The following PCDHGB5 variants were observed in gnomAD, a reference collection of about 807,000 sequenced individuals.
PCDHGB5 encodes protocadherin gamma subfamily B, 5.
PCDHGB5 carries 48 observed loss-of-function variants against 62.9 expected under a neutral mutation model. The observed-to-expected ratio is 0.76, with a 90% confidence interval of 0.61 to 0.97. The LOEUF is 0.97. Among genes scored for constraint, PCDHGB5 ranks in the 50% least tolerant of loss-of-function variants. PCDHGB5 has a pLI of 0.00. For synonymous variants in PCDHGB5, 474 were observed against 511.2 expected (o/e 0.93, Z 0.98); for missense variants, 1,118 against 1,198.6 (o/e 0.93, Z 0.99).
intron 1 of PCDHGB5, chr5:141,441,743 C>G (rs1298220876): frequency 2.7e-6 from 1 of 367,284 alleles, no homozygotes; most frequent in Non-Finnish European, 5.4e-6. Flanking sequence ...AGCTCGCGCT[C>G]GGCGTCAACG....
rs779292483 is a variant in PCDHGB5 at position 141,491,102 on chromosome 5, T to C, written c.2398-3705T>C. The C allele has an allele frequency of 6.2e-7, 1 of 1,614,152 alleles. No individual in the cohort carries two copies. Among genetic ancestry groups the C allele is most frequent in the Non-Finnish European group, 8.5e-7 (1 of 1,180,006 alleles). ...TCCACAGCCCCAGGACTGTTCCTCG[T>C]GTCTACACACACTGGTGAGGTGCGC... On this transcript the variant is annotated intron_variant, in intron 1 of 3. Transcript: ENST00000617380. This position sits in a 1 kb window ranked among gnomAD's most constrained non-coding sequence, Gnocchi z 6.9.
At position 141,477,483 on chromosome 5, in the gene PCDHGB5, A is replaced by T; in HGVS notation, c.2398-17324A>T. ...TCCGACATCAATGACAACCCTCCAC[A>T]ATCTTCTCAATCTTCCTACGACGTT... On this transcript the variant is annotated intron_variant, in intron 1 of 3. Coordinates refer to ENST00000617380, the MANE Select transcript of PCDHGB5 (RefSeq NM_018925.3). The surrounding 1 kb of genome is among the most constrained non-coding windows in gnomAD (Gnocchi z 4.9). 1 of 1,614,028 alleles carries T rather than the reference A, an allele frequency of 6.2e-7. No homozygotes were observed.
chr5:141,469,505 G>T (rs2099202987), intron 1 of PCDHGB5, among the ~76,000 whole-genome samples: 1 of 152,138 alleles, frequency 6.6e-6, no homozygotes. Flanking sequence ...AACCCGGGAG[G>T]TGGAGGTTGC....
At chr5:141,422,645 TCTCAGTGAC>T in intron 1 of PCDHGB5, 2 of 1,612,232 alleles carry the variant, frequency 1.2e-6, no homozygotes, top group Non-Finnish European at 1.7e-6. Flanking sequence ...GCCTCCATCT[TCTCAGTGAC>T]CGCCCTCGAC....
chr5:141,453,423 C>T (rs931962019), intron 1 of PCDHGB5, among the ~76,000 whole-genome samples: 2 of 152,120 alleles, frequency 1.3e-5, no homozygotes, highest in African/African-American at 4.8e-5. Context: ...TAAGCCACCA[C>T]ACCTAGCCTA....
intron 1 of PCDHGB5, among the ~76,000 whole-genome samples, chr5:141,451,830 G>A (rs940668278): frequency 6.6e-5 from 10 of 151,238 alleles, no homozygotes; most frequent in East Asian, 1.9e-4. Flanking sequence ...ACAGTGAGCC[G>A]AGATCACACC....
chr5:141,508,062 C>T (rs910730855), intron 3 of PCDHGB5: 2 of 152,316 alleles, frequency 1.3e-5, no homozygotes, highest in African/African-American at 4.8e-5. Flanking sequence ...TAATCAGCCT[C>T]CTTGGGCTAC....
At chr5:141,470,648 C>T (rs1188305813) in intron 1 of PCDHGB5, among the ~76,000 whole-genome samples, 1 of 152,066 alleles carries the variant, frequency 6.6e-6, no homozygotes, top group Non-Finnish European at 1.5e-5. Context: ...TTTGAAGGCC[C>T]CTACCCTTTG....
chr5:141,436,842 T>G (rs986680968), intron 1 of PCDHGB5, among the ~76,000 whole-genome samples: 3 of 152,376 alleles, frequency 2.0e-5, no homozygotes, highest in African/African-American at 7.2e-5. Flanking sequence ...CCTAGGCACA[T>G]TCTTGATTGA....
chr5:141,425,881 A>C (rs911454948), intron 1 of PCDHGB5, among the ~76,000 whole-genome samples: 1 of 152,230 alleles, frequency 6.6e-6, no homozygotes, highest in African/African-American at 2.4e-5. Context: ...TCTCTAAGGA[A>C]TCTTCTTTGG....
intron 1 of PCDHGB5, chr5:141,427,612 T>G (rs975527074): frequency 2.9e-6 from 2 of 691,298 alleles, no homozygotes; most frequent in African/African-American, 1.8e-5. Flanking sequence ...ATTGGTGAAG[T>G]CAACGACAAT....
rs549557253 is a variant in PCDHGB5 at position 141,503,310 on chromosome 5, T to C, written c.2457-2083T>C. 2.6e-5 allele frequency among the ~76,000 whole-genome samples: 4 copies of C among 152,176 alleles called. No homozygotes were observed. The East Asian group carries it at 7.7e-4, about 29-fold the overall frequency. On this transcript the variant is annotated intron_variant, in intron 2 of 3. Coordinates refer to ENST00000617380, the MANE Select transcript of PCDHGB5 (RefSeq NM_018925.3). ...TACATAGAAATTGCTCAAGAAAGAA[T>C]TGTTGGAGGGGCGCGGTGGCTCACG...
At chr5:141,471,215 A>G (rs1562030197) in intron 1 of PCDHGB5, 1 of 149,038 alleles carries the variant, frequency 6.7e-6, no homozygotes, top group Non-Finnish European at 1.5e-5. Context: ...ATGCCTGGCA[A>G]TTTTTTTGTA....
chr5:141,410,789 A>G (rs1264282350), intron 1 of PCDHGB5: 13 of 794,352 alleles, frequency 1.6e-5, no homozygotes, highest in Non-Finnish European at 2.4e-5. Flanking sequence ...TATTTGGTTC[A>G]TAAGTTGCTC....
intron 1 of PCDHGB5, among the ~76,000 whole-genome samples, chr5:141,473,757 T>C (rs993403397): frequency 6.6e-6 from 1 of 152,240 alleles, no homozygotes; most frequent in Non-Finnish European, 1.5e-5. Context: ...TTGGATACTA[T>C]GCAAAGGATT....
At chr5:141,470,734 G>A (rs970003510) in intron 1 of PCDHGB5, among the ~76,000 whole-genome samples, 1 of 152,128 alleles carries the variant, frequency 6.6e-6, no homozygotes, top group Non-Finnish European at 1.5e-5. Context: ...GTCTTGCTCT[G>A]TCGCCCTGGC....
rs1379875429 is a variant in PCDHGB5 at position 141,491,125 on chromosome 5, C to T, written c.2398-3682C>T. 3.1e-6 allele frequency: 5 copies of T among 1,614,020 alleles called. No homozygotes were observed. The highest frequency in any genetic ancestry group is 4.2e-6 in the Non-Finnish European group (5 of 1,179,992). ...CGTGTCTACACACACTGGTGAGGTG[C>T]GCACAGCCCGGGCCTTACTGGAGGA... On this transcript the variant is annotated intron_variant, in intron 1 of 3. Coordinates refer to ENST00000617380, the MANE Select transcript of PCDHGB5 (RefSeq NM_018925.3). The surrounding 1 kb of genome is among the most constrained non-coding windows in gnomAD (Gnocchi z 6.9).
In PCDHGB5 at chr5:141,511,618, T is replaced by C. The variant is rs1227028784; in HGVS notation, c.*445T>C. 4.3e-6 allele frequency: 1 copy of C among 232,232 alleles called. No homozygotes were observed. Among genetic ancestry groups the C allele is most frequent in the East Asian group, 9.9e-5 (1 of 10,122 alleles). 14.4% of individuals were successfully genotyped at this position (232,232 alleles called of 1,614,324 possible). A position where few individuals can be genotyped will look rare whatever the true frequency, so the allele number is the denominator to read the frequency against. ...AAGTAACCTACAAGCCTCCTAGTTCTGAAAAGTTGGAAGGGCATCATGACC... is the reference window on the plus strand; with the variant it reads ...AAGTAACCTACAAGCCTCCTAGTTCCGAAAAGTTGGAAGGGCATCATGACC... On this transcript the variant is annotated 3_prime_UTR_variant, in exon 4 of 4. Transcript: ENST00000617380.
Position 141,409,638 on chromosome 5 carries a change from C to T in PCDHGB5, c.2397+9114C>T, listed in dbSNP as rs1040366842. The T allele has an allele frequency of 3.1e-6, 5 of 1,613,648 alleles. No homozygotes were observed. The highest frequency in any genetic ancestry group is 1.7e-5 in the Admixed American group (1 of 60,006). ...ATTGCGCAAGTGAGCGCCTCTGACC[C>T]GGATTTGGGGCTCAATGGCCACATC... On this transcript the variant is annotated intron_variant, in intron 1 of 3. Coordinates refer to ENST00000617380, the MANE Select transcript of PCDHGB5 (RefSeq NM_018925.3).
Sources: allele counts gnomAD v4.1 joint callset (sites outside exome capture counted in the v4.1 genomes callset), GRCh38; gene constraint gnomAD v4.1.1; non-coding constraint Gnocchi (gnomAD v3.1); transcripts MANE v1.5; gene names NCBI Gene and HGNC (gene_info 2026-07-23, HGNC 2026-07-21).